The following RNF114 variants were observed in gnomAD, a reference collection of about 807,000 sequenced individuals.
RNF114 encodes ring finger protein 114, also known as E3 ubiquitin-protein ligase RNF114.
A neutral mutation model predicts 28.4 loss-of-function variants in RNF114; 6 were observed. The ratio of observed to expected loss-of-function variants is 0.21; its 90% CI spans 0.12 to 0.42. The LOEUF (loss-of-function observed/expected upper bound fraction) is 0.42, where lower values mean the gene tolerates loss of function less well. Among genes scored for constraint, RNF114 ranks in the 10% least tolerant of loss-of-function variants. The probability of loss-of-function intolerance (pLI) is 1.00; values close to 1 mark genes in which losing one functional copy is unlikely to be tolerated. For missense variants in RNF114, 249 were observed against 311.7 expected (o/e 0.80, Z 1.51); for synonymous variants, 115 against 116.7 (o/e 0.99, Z 0.09).
intron 1 of RNF114, among the ~76,000 whole-genome samples, chr20:49,940,953 C>T (rs1195346328): frequency 6.7e-6 from 1 of 149,378 alleles, no homozygotes; most frequent in Non-Finnish European, 1.5e-5. Flanking sequence ...GTTGGTAAGG[C>T]TGGTCTCAAA....
At chr20:49,948,737 TG>T (rs2090344872) in intron 4 of RNF114, among the ~76,000 whole-genome samples, 3 of 152,194 alleles carry the variant, frequency 2.0e-5, no homozygotes, top group African/African-American at 7.2e-5. Context: ...GTGCCCGGCC[TG>T]GAGCACTCTT....
At chr20:49,940,053 CAAAAAAA>C (rs71190515) in intron 1 of RNF114, among the ~76,000 whole-genome samples, 14 of 75,556 alleles carry the variant, frequency 1.9e-4, no homozygotes, top group Non-Finnish European at 2.8e-4. Flanking sequence ...GACTCTGTCT[CAAAAAAA>C]AAAAAAAAAA....
chr20:49,949,392 G>A (rs1450859640), intron 5 of RNF114, 37 bp downstream of exon 5: 2 of 1,544,802 alleles, frequency 1.3e-6, no homozygotes, highest in Non-Finnish European at 1.8e-6. Context: ...CCTCCCCTGG[G>A]GGAGTGGCAC....
intron 1 of RNF114, among the ~76,000 whole-genome samples, chr20:49,939,921 A>T (rs1398651221): frequency 6.6e-6 from 1 of 151,882 alleles, no homozygotes; most frequent in African/African-American, 2.4e-5. Context: ...GGGTGTGGTC[A>T]TGCGCGCCTG....
chr20:49,942,855 C>T (rs1453364144), intron 2 of RNF114, among the ~76,000 whole-genome samples: 1 of 152,194 alleles, frequency 6.6e-6, no homozygotes, highest in Non-Finnish European at 1.5e-5. Context: ...ATTTCGAAAG[C>T]TGCATAACAT....
intron 4 of RNF114, 77 bp from the exon 5 acceptor site, chr20:49,949,168 AAGG>A (rs1242418213): frequency 3.6e-5 from 40 of 1,118,228 alleles, no homozygotes; most frequent in Non-Finnish European, 5.1e-5. Context: ...TCCTGGAAGA[AAGG>A]AGGCCAGACA....
chr20:49,946,337 C>G, intron 4 of RNF114, 87 bp downstream of exon 4: 1 of 651,530 alleles, frequency 1.5e-6, no homozygotes. Context: ...AGAATGAACT[C>G]CTGTGTGCCC....
chr20:49,936,607 G>A, intron 1 of RNF114, 55 bp downstream of exon 1: 2 of 1,555,400 alleles, frequency 1.3e-6, no homozygotes, highest in Non-Finnish European at 1.7e-6. Context: ...AGGGAATGGA[G>A]CCGAGGAGCG....
chr20:49,943,482 GA>G (rs897601304), intron 2 of RNF114, among the ~76,000 whole-genome samples: 6 of 150,046 alleles, frequency 4.0e-5, no homozygotes, highest in African/African-American at 7.3e-5. Flanking sequence ...ACAAAAAAAG[GA>G]AAAAAAAATT....
chr20:49,936,664 CCCGGGGG>C, intron 1 of RNF114, 112 bp downstream of exon 1: 1 of 1,351,834 alleles, frequency 7.4e-7, no homozygotes, highest in Non-Finnish European at 9.8e-7. Context: ...AGAGGGGCCT[CCCGGGGG>C]TGTCCCCCGG....
At chr20:49,949,183 A>G in intron 4 of RNF114, 65 bp from the exon 5 acceptor site, 1 of 1,305,670 alleles carries the variant, frequency 7.7e-7, no homozygotes, top group Non-Finnish European at 1.1e-6. Flanking sequence ...GGCCAGACAC[A>G]GGCCACAGAG....
intron 2 of RNF114, chr20:49,944,464 C>T (rs964449212): frequency 6.6e-6 from 1 of 152,150 alleles, no homozygotes; most frequent in Non-Finnish European, 1.5e-5. Context: ...GTTTTTCTTT[C>T]CTTTATCTTC....
intron 4 of RNF114, among the ~76,000 whole-genome samples, chr20:49,947,358 C>T (rs1352693817): frequency 6.6e-6 from 1 of 151,620 alleles, no homozygotes; most frequent in Non-Finnish European, 1.5e-5. Flanking sequence ...TTCCATTTAT[C>T]TCATACTGCT....
intron 1 of RNF114, among the ~76,000 whole-genome samples, chr20:49,937,602 G>C (rs1217995491): frequency 1.3e-5 from 2 of 152,210 alleles, no homozygotes; most frequent in Non-Finnish European, 2.9e-5. Flanking sequence ...GTAGTCCAGA[G>C]AACAGTGCTT....
At chr20:49,937,966 TG>T (rs1377958737) in intron 1 of RNF114, among the ~76,000 whole-genome samples, 1 of 152,200 alleles carries the variant, frequency 6.6e-6, no homozygotes, top group Non-Finnish European at 1.5e-5. Context: ...TACCAATGAC[TG>T]GTCAAACTAT....
rs1245886512 is a variant in RNF114 at position 49,952,121 on chromosome 20, C to T, written c.667C>T (p.Arg223Cys). The T allele has an allele frequency of 1.2e-6, 2 of 1,613,618 alleles. No individual in the cohort carries two copies. Among genetic ancestry groups the T allele is most frequent in the Non-Finnish European group, 1.7e-6 (2 of 1,179,670 alleles). ...EEDMMNQVLQ[R>C]SIIDQ ...GGACATGATGAATCAGGTGTTGCAG[C>T]GCTCCATCATCGACCAGTGAGCAGA... The change falls in exon 6 of 6, where the codon CGC becomes TGC. Residue 223 changes from arginine (R) to cysteine (C), a missense_variant. Transcript: ENST00000244061.
In RNF114 at chr20:49,949,352, T is replaced by A; in HGVS notation, c.618T>A (p.Phe206Leu). The change falls in exon 5 of 6, where the codon TTT becomes TTA. Residue 206 changes from phenylalanine to leucine, a missense_variant. Coordinates refer to ENST00000244061, the MANE Select transcript of RNF114 (RefSeq NM_018683.4). ...QRRHRFSYDT[F>L]VDYDVDEEDM... ...GGCACCGGTTTTCTTATGACACTTT[T>A]GTGGTAAGTCTGGAGCCTGGGCTCT... 1 of 1,613,348 alleles carries A rather than the reference T, an allele frequency of 6.2e-7. No homozygotes were observed. Among genetic ancestry groups the A allele is most frequent in the Non-Finnish European group, 8.5e-7 (1 of 1,179,762 alleles).
intron 1 of RNF114, 136 bp downstream of exon 1, chr20:49,936,688 T>C: frequency 2.7e-6 from 3 of 1,108,264 alleles, no homozygotes; most frequent in Non-Finnish European, 3.7e-6. Context: ...CCGGGGCTCC[T>C]AAGGGCCGTG....
chr20:49,941,575 G>T lies in RNF114; in HGVS notation c.155G>T (p.Cys52Phe). The T allele has an allele frequency of 6.2e-7, 1 of 1,600,978 alleles. No homozygotes were observed. Among genetic ancestry groups the T allele is most frequent in the Non-Finnish European group, 8.5e-7 (1 of 1,171,440 alleles). The change falls in exon 2 of 6, where the codon TGC becomes TTC. Residue 52 changes from cysteine (C) to phenylalanine (F), a missense_variant. Physicochemically the swap from Cys to Phe is radical, Grantham distance 205. Coordinates refer to ENST00000244061, the MANE Select transcript of RNF114 (RefSeq NM_018683.4). ...VPCGHVFCSA[C>F]LQECLKPKKP... Reference sequence around the variant, plus strand: ...TCTTGTTCTAGCTTTTGCTCTGCATGCCTGCAGGAATGTCTGAAGCCGAAG... The same window carrying T: ...TCTTGTTCTAGCTTTTGCTCTGCATTCCTGCAGGAATGTCTGAAGCCGAAG...
Sources: gnomAD v4.1 joint callset for allele counts (sites outside exome capture counted in the v4.1 genomes callset) on GRCh38, gnomAD v4.1.1 for gene constraint, MANE v1.5 for transcripts, NCBI Gene and HGNC (gene_info 2026-07-23, HGNC 2026-07-21) for gene names.